GRM7: variants seen among roughly 807,000 people sequenced by gnomAD.
The protein encoded by GRM7 is glutamate metabotropic receptor 7, also known as metabotropic glutamate receptor 7.
Under a neutral mutation model 84.5 loss-of-function variants are expected in GRM7, and 35 were observed. The ratio of observed to expected loss-of-function variants is 0.41; its 90% CI spans 0.32 to 0.55. The LOEUF (loss-of-function observed/expected upper bound fraction) is 0.55. Among genes scored for constraint, GRM7 ranks in the 20% least tolerant of loss-of-function variants. The pLI, the probability that GRM7 is intolerant of heterozygous loss-of-function variation, is 0.19. For missense variants in GRM7, 1,003 were observed against 1,194.6 expected (o/e 0.84, Z 2.36); for synonymous variants, 487 against 455.1 (o/e 1.07, Z -0.89).
At chr3:7,248,800 T>C (rs555369602) in intron 2 of GRM7, among the ~76,000 whole-genome samples, 2 of 152,254 alleles carry the variant, frequency 1.3e-5, no homozygotes, top group South Asian at 4.2e-4. Flanking sequence ...AAGAGACTTA[T>C]TTAGAAGACT....
At chr3:6,962,172 A>G (rs560039499) in intron 1 of GRM7, among the ~76,000 whole-genome samples, 8 of 152,268 alleles carry the variant, frequency 5.3e-5, no homozygotes, top group Non-Finnish European at 1.2e-4. Flanking sequence ...GCTGTATTGT[A>G]CTTGTTTGTC....
At position 7,675,035 on chromosome 3, in the gene GRM7, A is replaced by AT. The variant is rs149077329; in HGVS notation, c.2452-5013dup. ...TGGTTTGACACCACGAAATAGCCGC[A>AT]TAACACTTTTCTGAGTAAATTAAAT... On this transcript the variant is annotated intron_variant, in intron 8 of 9. Coordinates refer to ENST00000357716, the MANE Select transcript of GRM7 (RefSeq NM_000844.4). Among the ~76,000 whole-genome samples the AT allele has an allele frequency of 8.1e-3, 1,227 of 152,358 alleles. 16 individuals are homozygous for AT. Among genetic ancestry groups the AT allele is most frequent in the African/African-American group, 0.027 (1,122 of 41,584 alleles).
At chr3:7,250,495 T>A (rs1575080664) in intron 2 of GRM7, among the ~76,000 whole-genome samples, 2 of 150,652 alleles carry the variant, frequency 1.3e-5, no homozygotes, top group African/African-American at 2.4e-5. Flanking sequence ...ATTTTTATTT[T>A]TATTTATATT....
intron 9 of GRM7, among the ~76,000 whole-genome samples, chr3:7,715,721 C>T (rs923208488): frequency 8.5e-5 from 13 of 152,140 alleles, no homozygotes; most frequent in Non-Finnish European, 1.5e-5. Context: ...GGGATTCAGA[C>T]CCCGCACACT....
intron 6 of GRM7, 25 bp from the exon 7 acceptor site, chr3:7,461,558 C>G: frequency 1.3e-6 from 2 of 1,595,910 alleles, no homozygotes; most frequent in Non-Finnish European, 1.7e-6. Flanking sequence ...ACTTTAGAAT[C>G]TTTCATTTTT....
intron 9 of GRM7, among the ~76,000 whole-genome samples, chr3:7,710,771 G>T (rs1172494620): frequency 3.9e-5 from 6 of 152,132 alleles, no homozygotes; most frequent in Non-Finnish European, 8.8e-5. Flanking sequence ...ACTCTTGAAA[G>T]ATCTTGCCCT....
At chr3:7,651,046 T>C (rs113524678) in intron 8 of GRM7, among the ~76,000 whole-genome samples, 1 of 39,876 alleles carries the variant, frequency 2.5e-5, no homozygotes, top group African/African-American at 7.3e-5. Context: ...GGCAGCCTCT[T>C]TTTCTTATTC....
At chr3:7,567,276 T>G (rs987971393) in intron 7 of GRM7, among the ~76,000 whole-genome samples, 1 of 152,160 alleles carries the variant, frequency 6.6e-6, no homozygotes, top group Middle Eastern at 3.4e-3. Context: ...CATAATAGAG[T>G]ATAACTAAGC....
intron 1 of GRM7, among the ~76,000 whole-genome samples, chr3:7,018,936 A>C (rs1484034542): frequency 6.6e-6 from 1 of 152,166 alleles, no homozygotes; most frequent in Non-Finnish European, 1.5e-5. Flanking sequence ...ATCTCTACTA[A>C]AAATACAAAA....
At chr3:7,590,857 A>G (rs1322033059) in intron 8 of GRM7, among the ~76,000 whole-genome samples, 2 of 152,114 alleles carry the variant, frequency 1.3e-5, no homozygotes, top group African/African-American at 4.8e-5. Flanking sequence ...TATGTCACTT[A>G]CTGGTTTGTT....
At chr3:7,229,759 A>ATTTTTTTTTTTTTTT (rs1200808989) in intron 2 of GRM7, among the ~76,000 whole-genome samples, 1 of 30,436 alleles carries the variant, frequency 3.3e-5, no homozygotes, top group African/African-American at 1.3e-4. Flanking sequence ...ATATATATAT[A>ATTTTTTTTTTTTTTT]TTTTTTTTTT....
intron 8 of GRM7, among the ~76,000 whole-genome samples, chr3:7,644,651 A>G (rs1698537394): frequency 6.6e-6 from 1 of 152,206 alleles, no homozygotes; most frequent in South Asian, 2.1e-4. Flanking sequence ...TGGGAATGTT[A>G]GCTGGGGAAA....
intron 1 of GRM7, among the ~76,000 whole-genome samples, chr3:7,057,966 G>A (rs1255372660): frequency 1.3e-5 from 2 of 151,782 alleles, no homozygotes; most frequent in African/African-American, 2.4e-5. Context: ...TGTGGTTTTC[G>A]GTTCTTAGGC....
At chr3:7,110,415 A>C (rs1287307538) in intron 1 of GRM7, among the ~76,000 whole-genome samples, 1 of 152,108 alleles carries the variant, frequency 6.6e-6, no homozygotes, top group East Asian at 1.9e-4. Context: ...AGCCTGGCCA[A>C]CATGGTGAAA....
At chr3:7,632,147 C>T (rs1157998719) in intron 8 of GRM7, among the ~76,000 whole-genome samples, 1 of 152,122 alleles carries the variant, frequency 6.6e-6, no homozygotes, top group Non-Finnish European at 1.5e-5. Context: ...AGGTGAAGAT[C>T]ATATCATGCA....
chr3:7,331,684 C>T (rs1284697904), intron 4 of GRM7, among the ~76,000 whole-genome samples: 1 of 152,118 alleles, frequency 6.6e-6, no homozygotes, highest in Admixed American at 6.6e-5. Context: ...TATATCATAG[C>T]ACAGTATCTC....
At chr3:7,497,495 C>A (rs192864417) in intron 7 of GRM7, among the ~76,000 whole-genome samples, 4 of 152,060 alleles carry the variant, frequency 2.6e-5, no homozygotes, top group Admixed American at 2.6e-4. Flanking sequence ...GGTTTCAGTG[C>A]GTGGCTCGAT....
intron 1 of GRM7, among the ~76,000 whole-genome samples, chr3:6,936,906 T>C (rs1697713751): frequency 6.6e-6 from 1 of 152,238 alleles, no homozygotes. Context: ...TGGACCTAAA[T>C]CTTTGTTGAC....
intron 7 of GRM7, among the ~76,000 whole-genome samples, chr3:7,485,039 A>G (rs1243608675): frequency 2.6e-5 from 4 of 152,162 alleles, no homozygotes; most frequent in Non-Finnish European, 4.4e-5. Flanking sequence ...GGCGTGGGAA[A>G]CTATATCCTG....
Sources: allele counts gnomAD v4.1 joint callset (sites outside exome capture counted in the v4.1 genomes callset), GRCh38; gene constraint gnomAD v4.1.1; transcripts MANE v1.5; gene names NCBI Gene and HGNC (gene_info 2026-07-23, HGNC 2026-07-21).